FNDC3B: variants seen among roughly 807,000 people sequenced by gnomAD.
The protein encoded by FNDC3B is fibronectin type III domain-containing protein 3B.
Under a neutral mutation model 151.5 loss-of-function variants are expected in FNDC3B, and 12 were observed. The ratio of observed to expected loss-of-function variants is 0.08; its 90% confidence interval spans 0.05 to 0.13. The LOEUF (loss-of-function observed/expected upper bound fraction) is 0.13. Among genes scored for constraint, FNDC3B ranks in the 10% least tolerant of loss-of-function variants. FNDC3B has a pLI of 1.00. For missense variants in FNDC3B, 1,214 were observed against 1,505.3 expected (o/e 0.81, Z 3.20); for synonymous variants, 528 against 549.0 (o/e 0.96, Z 0.54).
At chr3:172,111,853 C>A (rs989294376) in intron 1 of FNDC3B, among the ~76,000 whole-genome samples, 21 of 152,044 alleles carry the variant, frequency 1.4e-4, no homozygotes, top group African/African-American at 4.1e-4. Context: ...AATTTAACTG[C>A]GAGCTATATG....
chr3:172,094,231 T>C (rs1718988189), intron 1 of FNDC3B, among the ~76,000 whole-genome samples: 1 of 151,472 alleles, frequency 6.6e-6, no homozygotes, highest in East Asian at 1.9e-4. Context: ...AACATCGGCA[T>C]TGTGTAACCA....
rs143201271 is a variant in FNDC3B, at chr3:172,052,758, C to T, written c.-29+12987C>T. Among the ~76,000 whole-genome samples, 7 of 152,164 alleles carry T rather than the reference C, an allele frequency of 4.6e-5. No homozygotes were observed. The East Asian group carries it at 7.7e-4, about 17-fold the overall frequency. On this transcript the variant is annotated intron_variant, in intron 1 of 25. Coordinates refer to ENST00000415807, the MANE Select transcript of FNDC3B (RefSeq NM_022763.4). ...TATGATCAGACAAGTTTGGGGAACT[C>T]GGAGTTGGGGAGTTGGCCCTCTTGG...
At chr3:172,199,510 C>T (rs565670623) in intron 3 of FNDC3B, among the ~76,000 whole-genome samples, 64 of 152,286 alleles carry the variant, frequency 4.2e-4, no homozygotes, top group African/African-American at 1.4e-3. Context: ...CACTATTGAA[C>T]TTACCAAGGA....
intron 21 of FNDC3B, among the ~76,000 whole-genome samples, chr3:172,350,381 C>T (rs764784124): frequency 6.6e-6 from 1 of 152,176 alleles, no homozygotes; most frequent in Non-Finnish European, 1.5e-5. Flanking sequence ...TGTTCTTGTC[C>T]TTCTGTGATA....
chr3:172,131,628 AT>A (rs1045366121), intron 2 of FNDC3B, among the ~76,000 whole-genome samples: 16 of 152,172 alleles, frequency 1.1e-4, no homozygotes, highest in Non-Finnish European at 1.5e-4. Context: ...TCCCTGAATG[AT>A]CCTGTTTTTT....
Position 172,228,091 on chromosome 3 carries a change from G to GTTAC in FNDC3B, c.264+1165_264+1168dup, listed in dbSNP as rs533952314. Among the ~76,000 whole-genome samples, 181 of 151,826 alleles carry GTTAC rather than the reference G, an allele frequency of 1.2e-3. 1 individual carries two copies. Among genetic ancestry groups the GTTAC allele is most frequent in the African/African-American group, 3.0e-3 (126 of 41,396 alleles). On this transcript the variant is annotated intron_variant, in intron 4 of 25. Coordinates refer to ENST00000415807, the MANE Select transcript of FNDC3B (RefSeq NM_022763.4). The stretch of plus-strand genomic sequence containing the variant: ...TTGGACTTTATTTATTTCTTACTGA[G>GTTAC]TTACTTACTTACTTACTTACTTACA...
At chr3:172,297,716 C>T (rs915343788) in intron 8 of FNDC3B, among the ~76,000 whole-genome samples, 37 of 152,052 alleles carry the variant, frequency 2.4e-4, no homozygotes, top group Admixed American at 1.4e-3. Flanking sequence ...CCTCGTGATC[C>T]GCCCTCCTTG....
At position 172,318,412 on chromosome 3, in the gene FNDC3B, G is replaced by A. The variant is rs752427816; in HGVS notation, c.1254+7531G>A. On this transcript the variant is annotated intron_variant, in intron 11 of 25. Coordinates refer to ENST00000415807, the MANE Select transcript of FNDC3B (RefSeq NM_022763.4). ...CTTGTTTAGGGATTGAGTTGGCCCCGTAGAAGATAATCAGTAAGAGATCAA... is the reference window on the plus strand; with the variant it reads ...CTTGTTTAGGGATTGAGTTGGCCCCATAGAAGATAATCAGTAAGAGATCAA... 9.9e-5 allele frequency among the ~76,000 whole-genome samples: 15 copies of A among 152,210 alleles called. No individual in the cohort carries two copies. In the East Asian group the frequency reaches 1.9e-3, roughly 20 times the overall value.
intron 16 of FNDC3B, among the ~76,000 whole-genome samples, chr3:172,339,878 A>G (rs1015734858): frequency 2.6e-5 from 4 of 152,152 alleles, no homozygotes; most frequent in Admixed American, 2.0e-4. Flanking sequence ...TGCCTTTGCT[A>G]TTGCCTTTCT....
chr3:172,154,762 A>G (rs1186433169), intron 3 of FNDC3B, among the ~76,000 whole-genome samples: 1 of 152,178 alleles, frequency 6.6e-6, no homozygotes. Flanking sequence ...TGGTAGGGTC[A>G]CGGTGTTAGG....
At chr3:172,328,016 A>G (rs1156273519) in intron 11 of FNDC3B, among the ~76,000 whole-genome samples, 1 of 152,228 alleles carries the variant, frequency 6.6e-6, no homozygotes, top group Non-Finnish European at 1.5e-5. Context: ...GGATATGGGT[A>G]GGAAATATTC....
At chr3:172,354,261 CAT>C (rs1733984230) in intron 22 of FNDC3B, among the ~76,000 whole-genome samples, 1 of 146,374 alleles carries the variant, frequency 6.8e-6, no homozygotes, top group Non-Finnish European at 1.5e-5. Context: ...TATGAATTAT[CAT>C]ATTTAAATTG....
intron 3 of FNDC3B, among the ~76,000 whole-genome samples, chr3:172,203,450 A>G (rs895883217): frequency 1.3e-5 from 2 of 152,252 alleles, no homozygotes; most frequent in East Asian, 3.8e-4. Flanking sequence ...AAATTTTGGT[A>G]TAACAGAACA....
At chr3:172,109,320 T>C (rs1289449894) in intron 1 of FNDC3B, among the ~76,000 whole-genome samples, 74 of 152,224 alleles carry the variant, frequency 4.9e-4, no homozygotes, top group African/African-American at 1.5e-3. Flanking sequence ...CGCCCGCCAC[T>C]GCGCCCGGCT....
chr3:172,360,475 A>G (rs1021034956), intron 22 of FNDC3B, among the ~76,000 whole-genome samples: 4 of 152,172 alleles, frequency 2.6e-5, no homozygotes, highest in Non-Finnish European at 5.9e-5. Flanking sequence ...CTTTTATGTA[A>G]GATCATGCTT....
At chr3:172,127,943 C>A (rs1720888201) in intron 2 of FNDC3B, among the ~76,000 whole-genome samples, 1 of 152,230 alleles carries the variant, frequency 6.6e-6, no homozygotes, top group Non-Finnish European at 1.5e-5. Context: ...TAGGCGTGAG[C>A]CACCACACCC....
chr3:172,250,571 T>C (rs1379020078), intron 5 of FNDC3B, among the ~76,000 whole-genome samples: 1 of 152,230 alleles, frequency 6.6e-6, no homozygotes, highest in East Asian at 1.9e-4. Flanking sequence ...AATAGGGGTA[T>C]TTTATTTGTT....
At chr3:172,090,160 G>T (rs1718741173) in intron 1 of FNDC3B, among the ~76,000 whole-genome samples, 1 of 152,096 alleles carries the variant, frequency 6.6e-6, no homozygotes, top group South Asian at 2.1e-4. Context: ...TCTACAACTC[G>T]TCCAACTTCA....
chr3:172,343,436 T>C (rs1485597589), intron 18 of FNDC3B, among the ~76,000 whole-genome samples: 1 of 152,208 alleles, frequency 6.6e-6, no homozygotes, highest in Non-Finnish European at 1.5e-5. Context: ...TTTTCAACTT[T>C]ATTCATGGGA....
Sources: gnomAD v4.1 joint callset for allele counts (sites outside exome capture counted in the v4.1 genomes callset) on GRCh38, gnomAD v4.1.1 for gene constraint, MANE v1.5 for transcripts, NCBI Gene and HGNC (gene_info 2026-07-23, HGNC 2026-07-21) for gene names.